Variants in COL6A6 observed in about 807,000 individuals in gnomAD.
COL6A6 encodes collagen alpha-6(VI) chain.
A neutral mutation model predicts 208.6 loss-of-function variants in COL6A6; 183 were observed. That is an observed-to-expected ratio of 0.88 (90% CI 0.78 to 0.99). The LOEUF is 0.99. Among genes scored for constraint, COL6A6 ranks in the 50% least tolerant of loss-of-function variants. The pLI, the probability that COL6A6 is intolerant of heterozygous loss-of-function variation, is 0.00. For missense variants in COL6A6, 2,816 were observed against 2,815.2 expected, an observed-to-expected ratio of 1.00 and a Z score of -0.01; for synonymous variants, 973 against 1,011.8, an observed-to-expected ratio of 0.96 and a Z score of 0.73.
At chr3:130,671,911 C>A (rs890922775) in intron 36 of COL6A6, among the ~76,000 whole-genome samples, 2 of 152,344 alleles carry the variant, frequency 1.3e-5, no homozygotes, top group South Asian at 4.1e-4. Flanking sequence ...ATTGCTTCAT[C>A]CAGCCAGGGA....
chr3:130,558,245 C>A (rs1380672400), intron 1 of COL6A6, among the ~76,000 whole-genome samples: 1 of 152,154 alleles, frequency 6.6e-6, no homozygotes, highest in African/African-American at 2.4e-5. Flanking sequence ...TGTTTTGATA[C>A]AGTGTAAATG....
rs779433401 is a variant in COL6A6, at chr3:130,641,737, A to G, written c.5154+23A>G. On this transcript the variant is annotated intron_variant, in intron 29 of 36. Coordinates refer to ENST00000358511, the MANE Select transcript of COL6A6 (RefSeq NM_001102608.3). The stretch of plus-strand genomic sequence containing the variant: ...AAGGTAAGTAGAAAAACTATAAACC[A>G]CAGCAGGTCCTTTTCCATTAAAAAA... The G allele has an allele frequency of 2.1e-6, 3 of 1,414,960 alleles. No individual in the cohort carries two copies. The African/African-American group carries it at 4.3e-5, about 20-fold the overall frequency. The allele number at this position is 1,414,960 out of a possible 1,614,324, so 87.7% of individuals were successfully genotyped here. A position where few individuals can be genotyped will look rare whatever the true frequency, so the allele number is the denominator to read the frequency against.
chr3:130,584,683 C>T (rs1014443314), intron 10 of COL6A6, among the ~76,000 whole-genome samples: 3 of 151,936 alleles, frequency 2.0e-5, no homozygotes, highest in Admixed American at 6.6e-5. Flanking sequence ...GGTGCCATCT[C>T]GGCTCACTGC....
At chr3:130,652,128 AG>A (rs769113094) in intron 33 of COL6A6, among the ~76,000 whole-genome samples, 24 of 152,366 alleles carry the variant, frequency 1.6e-4, no homozygotes, top group Non-Finnish European at 8.8e-5. Flanking sequence ...CGATAGGAAC[AG>A]TAACTGCTGA....
intron 22 of COL6A6, among the ~76,000 whole-genome samples, chr3:130,610,220 T>G (rs1403498731): frequency 6.6e-6 from 1 of 152,168 alleles, no homozygotes; most frequent in Non-Finnish European, 1.5e-5. Flanking sequence ...GTAGAAATAG[T>G]CAGATTTCAT....
intron 1 of COL6A6, among the ~76,000 whole-genome samples, chr3:130,547,990 A>G (rs1357427651): frequency 1.3e-5 from 2 of 152,124 alleles, no homozygotes; most frequent in African/African-American, 2.4e-5. Context: ...ATGGGGTTTC[A>G]CCATGTTGGC....
intron 1 of COL6A6, among the ~76,000 whole-genome samples, chr3:130,545,631 T>G (rs1036716791): frequency 2.3e-4 from 35 of 152,232 alleles, no homozygotes; most frequent in African/African-American, 8.4e-4. Context: ...AGTTTGTATT[T>G]TTTTGGTAGA....
intron 1 of COL6A6, among the ~76,000 whole-genome samples, chr3:130,524,939 A>G (rs1452347556): frequency 2.6e-5 from 4 of 152,234 alleles, no homozygotes; most frequent in African/African-American, 9.6e-5. Flanking sequence ...AAAGAGATGA[A>G]TGACTTCAGC....
Position 130,661,972 on chromosome 3 carries a change from A to G in COL6A6, c.6166A>G (p.Asn2056Asp). 2 of 1,613,988 alleles carry G rather than the reference A, an allele frequency of 1.2e-6. No individual in the cohort carries two copies. The highest frequency in any genetic ancestry group is 1.7e-6 in the Non-Finnish European group (2 of 1,179,890). ...TGTGCACGAGTCAGTTAAACAACTA[A>G]ATGGAGATGCTTTTATTGGTCATGC... Reference protein sequence around the residue: ...RHVHESVKQLNGDAFIGHALQ... With the variant: ...RHVHESVKQLDGDAFIGHALQ... Residue 2056 changes from asparagine (N) to aspartate (D), a missense_variant, in exon 35 of 37, where the codon AAT becomes GAT. By Grantham distance (23) the Asn-to-Asp change is conservative (BLOSUM62 1). Coordinates refer to ENST00000358511, the MANE Select transcript of COL6A6 (RefSeq NM_001102608.3).
chr3:130,533,253 T>TAAAAAA (rs59750509), intron 1 of COL6A6, among the ~76,000 whole-genome samples: 2 of 129,528 alleles, frequency 1.5e-5, no homozygotes, highest in Non-Finnish European at 1.6e-5. Flanking sequence ...TCCCAGGAAT[T>TAAAAAA]AAAAAAAAAA....
Position 130,528,158 on chromosome 3 carries a change from G to C in COL6A6, c.-32+10761G>C, listed in dbSNP as rs532391967. 1.7e-4 allele frequency among the ~76,000 whole-genome samples: 26 copies of C among 152,244 alleles called. No individual in the cohort carries two copies. The South Asian group carries it at 5.4e-3, about 32-fold the overall frequency. On this transcript the variant is annotated intron_variant, in intron 1 of 36. Transcript: ENST00000358511. ...GAACCTAAGTTAATAAGGACAGAAG[G>C]AAAGGACCTCCTTGAGGCAGCAGCA...
rs1446937249 is a variant in COL6A6 at position 130,581,438 on chromosome 3, T to G, written c.3548-123T>G. 5 of 667,144 alleles carry G rather than the reference T, an allele frequency of 7.5e-6. No individual in the cohort carries two copies. In the East Asian group the frequency reaches 1.3e-4, roughly 18 times the overall value. The allele number at this position is 667,144 out of a possible 1,614,324, so 41.3% of individuals were successfully genotyped here. On this transcript the variant is annotated intron_variant, in intron 8 of 36. Coordinates refer to ENST00000358511, the MANE Select transcript of COL6A6 (RefSeq NM_001102608.3). ...GCCTCTTTCTTTATTCATTTATGCC[T>G]TTCTTTGTGTTCCAACTTTATAACT...
chr3:130,565,329 C>A lies in COL6A6; in HGVS notation c.997C>A (p.Pro333Thr), dbSNP rs1433772460. ...TGGCAGTCGGAAGAATCAGGGGGTG[C>A]CCCAGATTGCCGTGCTGGTGACCCA... ...RNGSRKNQGVPQIAVLVTHRD... is the reference protein window; with the variant it reads ...RNGSRKNQGVTQIAVLVTHRD... Residue 333 changes from proline to threonine, a missense_variant, in exon 4 of 37, where the codon CCC becomes ACC. Physicochemically the swap from Pro to Thr is conservative, Grantham distance 38. Transcript: ENST00000358511. 1 of 1,613,942 alleles carries A rather than the reference C, an allele frequency of 6.2e-7. No homozygotes were observed. The highest frequency in any genetic ancestry group is 2.2e-5 in the East Asian group (1 of 44,878).
Position 130,555,108 on chromosome 3 carries a change from G to A in COL6A6, c.-31-5226G>A, listed in dbSNP as rs532323076. Among the ~76,000 whole-genome samples the A allele has an allele frequency of 3.2e-4, 48 of 152,248 alleles. 1 individual carries two copies. The South Asian group carries it at 9.5e-3, about 30-fold the overall frequency. On this transcript the variant is annotated intron_variant, in intron 1 of 36. Coordinates refer to ENST00000358511, the MANE Select transcript of COL6A6 (RefSeq NM_001102608.3). ...TTTAGGGCGTGGGCATTCTGGCCAC[G>A]CTCCACTGCATATGTTCCCACACCA...
intron 11 of COL6A6, among the ~76,000 whole-genome samples, chr3:130,587,406 C>T (rs903210139): frequency 1.3e-5 from 2 of 152,296 alleles, no homozygotes; most frequent in South Asian, 2.1e-4. Context: ...GGATTACCGG[C>T]GCCCGCCACC....
chr3:130,547,658 G>T (rs1205472613), intron 1 of COL6A6, among the ~76,000 whole-genome samples: 1 of 152,236 alleles, frequency 6.6e-6, no homozygotes, highest in East Asian at 1.9e-4. Flanking sequence ...AGGCGTTCAT[G>T]ATCTGTTATG....
intron 24 of COL6A6, among the ~76,000 whole-genome samples, chr3:130,623,349 T>C (rs1348511872): frequency 3.3e-5 from 5 of 152,048 alleles, no homozygotes; most frequent in African/African-American, 1.2e-4. Context: ...TCCCAGCTAC[T>C]CGGGAGGCTA....
intron 1 of COL6A6, among the ~76,000 whole-genome samples, chr3:130,529,082 G>A (rs986411829): frequency 2.0e-5 from 3 of 152,084 alleles, no homozygotes; most frequent in Non-Finnish European, 4.4e-5. Context: ...AACATCCCCA[G>A]GTGATGCCAA....
At chr3:130,582,339 T>C (rs2063444564) in intron 10 of COL6A6, among the ~76,000 whole-genome samples, 1 of 152,184 alleles carries the variant, frequency 6.6e-6, no homozygotes, top group Non-Finnish European at 1.5e-5. Flanking sequence ...TGACCTTTCC[T>C]GGAGAATGTT....
Sources: gnomAD v4.1 joint callset for allele counts (sites outside exome capture counted in the v4.1 genomes callset) on GRCh38, gnomAD v4.1.1 for gene constraint, MANE v1.5 for transcripts, NCBI Gene and HGNC (gene_info 2026-07-23, HGNC 2026-07-21) for gene names.